FSTL5: variants seen among roughly 807,000 people sequenced by gnomAD.
The protein encoded by FSTL5 is follistatin-related protein 5.
FSTL5 carries 62 observed loss-of-function variants against 89.1 expected under a neutral mutation model. The observed-to-expected ratio is 0.70, with a 90% CI of 0.57 to 0.86. FSTL5 has a LOEUF of 0.86. Among genes scored for constraint, FSTL5 ranks in the 40% least tolerant of loss-of-function variants. The probability of loss-of-function intolerance (pLI) is 0.00; values close to 1 mark genes in which losing one functional copy is unlikely to be tolerated. For synonymous variants in FSTL5, 383 were observed against 346.2 expected, an observed-to-expected ratio of 1.11 and a Z score of -1.18; for missense variants, 1,057 against 1,001.6, an observed-to-expected ratio of 1.06 and a Z score of -0.75.
intron 4 of FSTL5, among the ~76,000 whole-genome samples, chr4:161,835,120 A>C (rs1730992463): frequency 6.7e-6 from 1 of 148,416 alleles, no homozygotes; most frequent in South Asian, 2.1e-4. Flanking sequence ...GATCAATGGA[A>C]CAGAACAGAG....
At chr4:162,149,691 A>G (rs1465292226) in intron 1 of FSTL5, among the ~76,000 whole-genome samples, 1 of 151,978 alleles carries the variant, frequency 6.6e-6, no homozygotes, top group Non-Finnish European at 1.5e-5. Flanking sequence ...TGTAGTTTCA[A>G]TTTGTCTATA....
rs1732089567 is a variant in FSTL5, at chr4:162,126,590, T to A, written c.-16-15178A>T. On this transcript the variant is annotated intron_variant, in intron 1 of 15. Transcript: ENST00000306100. ...TCCTTTTATAATCTAATGTGTATAATCTAATGTGTAGCCTCTCCATTTAAC... is the reference window on the plus strand; with the variant it reads ...TCCTTTTATAATCTAATGTGTATAAACTAATGTGTAGCCTCTCCATTTAAC... Among the ~76,000 whole-genome samples the A allele has an allele frequency of 3.3e-5, 5 of 152,194 alleles. No individual in the cohort carries two copies. The South Asian group carries it at 1.0e-3, about 32-fold the overall frequency.
At chr4:162,152,915 A>C (rs77970302) in intron 1 of FSTL5, among the ~76,000 whole-genome samples, 6,349 of 151,996 alleles carry the variant, frequency 0.042, 145 homozygotes, top group Admixed American at 0.049. Flanking sequence ...GTAGTGCCAA[A>C]CAAAAATGAA....
At chr4:162,130,136 C>T (rs2111455608) in intron 1 of FSTL5, among the ~76,000 whole-genome samples, 1 of 152,220 alleles carries the variant, frequency 6.6e-6, no homozygotes, top group South Asian at 2.1e-4. Context: ...CATCCCTGTG[C>T]ACTTGATGAA....
rs184778492 is a variant in FSTL5, at chr4:162,074,426, G to T, written c.126+36845C>A. Among the ~76,000 whole-genome samples, 12 of 151,550 alleles carry T rather than the reference G, an allele frequency of 7.9e-5. No individual in the cohort carries two copies. In the East Asian group the frequency reaches 2.3e-3, roughly 30 times the overall value. ...TTGATCAAAGGATTTTTTCACTGAA[G>T]ATTATGTTTCAAAATGGGATACCAG... On this transcript the variant is annotated intron_variant, in intron 2 of 15. Coordinates refer to ENST00000306100, the MANE Select transcript of FSTL5 (RefSeq NM_020116.5).
chr4:161,644,241 T>C (rs951007540), intron 7 of FSTL5, among the ~76,000 whole-genome samples: 1 of 152,074 alleles, frequency 6.6e-6, no homozygotes, highest in African/African-American at 2.4e-5. Flanking sequence ...AGAACAGTAG[T>C]AATGGTTGGG....
intron 6 of FSTL5, among the ~76,000 whole-genome samples, chr4:161,691,992 T>A (rs905375117): frequency 6.6e-6 from 1 of 152,118 alleles, no homozygotes; most frequent in Admixed American, 6.6e-5. Flanking sequence ...AATAAATATA[T>A]ACATGTACCT....
At chr4:161,778,286 G>T (rs1349201911) in intron 4 of FSTL5, among the ~76,000 whole-genome samples, 1 of 152,146 alleles carries the variant, frequency 6.6e-6, no homozygotes. Flanking sequence ...TACAAAAAAT[G>T]CAGTGCATAA....
chr4:162,058,840 A>G (rs1259828134), intron 2 of FSTL5, among the ~76,000 whole-genome samples: 5 of 152,104 alleles, frequency 3.3e-5, no homozygotes, highest in Admixed American at 3.3e-4. Flanking sequence ...TCAAAGTTGA[A>G]CTGTATTAAA....
intron 4 of FSTL5, among the ~76,000 whole-genome samples, chr4:161,855,292 A>G (rs574066563): frequency 6.6e-6 from 1 of 152,200 alleles, no homozygotes; most frequent in South Asian, 2.1e-4. Context: ...GTACATTCAG[A>G]GCTACTCTGT....
intron 4 of FSTL5, among the ~76,000 whole-genome samples, chr4:161,824,710 G>A (rs1279905103): frequency 6.6e-6 from 1 of 152,080 alleles, no homozygotes; most frequent in African/African-American, 2.4e-5. Flanking sequence ...TTGTAAAAGG[G>A]GTTGAGTTCT....
intron 6 of FSTL5, among the ~76,000 whole-genome samples, chr4:161,709,133 T>C (rs1738688810): frequency 6.6e-6 from 1 of 152,170 alleles, no homozygotes; most frequent in Non-Finnish European, 1.5e-5. Context: ...AGTGGTGCTA[T>C]TTTTATTACA....
At chr4:161,540,064 A>G (rs1435756754) in intron 9 of FSTL5, among the ~76,000 whole-genome samples, 1 of 151,918 alleles carries the variant, frequency 6.6e-6, no homozygotes, top group Non-Finnish European at 1.5e-5. Context: ...TTCTCTTCCT[A>G]TGTAATCTAG....
At chr4:161,747,117 G>GT (rs1368323603) in intron 6 of FSTL5, among the ~76,000 whole-genome samples, 1 of 151,986 alleles carries the variant, frequency 6.6e-6, no homozygotes, top group African/African-American at 2.4e-5. Flanking sequence ...ATCCATTTTT[G>GT]TATTTGTAGT....
chr4:161,840,501 G>A (rs1198531504), intron 4 of FSTL5, among the ~76,000 whole-genome samples: 1 of 152,128 alleles, frequency 6.6e-6, no homozygotes, highest in Non-Finnish European at 1.5e-5. Flanking sequence ...TAAATAGCAA[G>A]ATTTTCATTC....
chr4:161,681,689 G>T (rs1472317764), intron 6 of FSTL5, among the ~76,000 whole-genome samples: 4 of 151,086 alleles, frequency 2.6e-5, no homozygotes, highest in East Asian at 3.9e-4. Context: ...AATCCAATAG[G>T]GTATATGCTT....
At chr4:162,053,935 G>C (rs945023259) in intron 2 of FSTL5, among the ~76,000 whole-genome samples, 10 of 151,492 alleles carry the variant, frequency 6.6e-5, no homozygotes, top group Non-Finnish European at 1.5e-4. Context: ...AAAACAAGAA[G>C]GGCAAATTTT....
In FSTL5 at chr4:161,780,942, A is replaced by C. The variant is rs536949177; in HGVS notation, c.410-4868T>G. Among the ~76,000 whole-genome samples the C allele has an allele frequency of 2.7e-3, 411 of 152,318 alleles. 5 individuals carry two copies. Among genetic ancestry groups the C allele is most frequent in the African/African-American group, 9.6e-3 (397 of 41,570 alleles). On this transcript the variant is annotated intron_variant, in intron 4 of 15. Coordinates refer to ENST00000306100, the MANE Select transcript of FSTL5 (RefSeq NM_020116.5). ...TCCCTTCAACACAAAAGATTCAATC[A>C]AAAGCATAAAAGGAAACCATGTTTT...
intron 4 of FSTL5, among the ~76,000 whole-genome samples, chr4:161,879,988 A>G (rs1732574678): frequency 6.6e-6 from 1 of 152,196 alleles, no homozygotes; most frequent in Admixed American, 6.5e-5. Flanking sequence ...TACTACTTAA[A>G]GGTGAGTTGT....
Sources: allele counts gnomAD v4.1 joint callset (sites outside exome capture counted in the v4.1 genomes callset), GRCh38; gene constraint gnomAD v4.1.1; transcripts MANE v1.5; gene names NCBI Gene and HGNC (gene_info 2026-07-23, HGNC 2026-07-21).